The following UGT1A6 variants were observed in gnomAD, a reference collection of about 807,000 sequenced individuals.
UGT1A6 encodes UDP glucuronosyltransferase family 1 member A6.
Under a neutral mutation model 44.4 loss-of-function variants are expected in UGT1A6, and 32 were observed. That is an observed-to-expected ratio of 0.72 (90% confidence interval 0.54 to 0.97). The LOEUF is 0.97. UGT1A6 is among the 50% of genes least tolerant of loss of function. UGT1A6 has a pLI of 0.00. For missense variants in UGT1A6, 685 were observed against 661.9 expected (o/e 1.03, Z -0.38); for synonymous variants, 238 against 248.5 (o/e 0.96, Z 0.40).
intron 1 of UGT1A6, among the ~76,000 whole-genome samples, chr2:233,725,052 C>G (rs575446926): frequency 6.8e-6 from 1 of 147,562 alleles, no homozygotes; most frequent in Non-Finnish European, 1.5e-5. Flanking sequence ...TCAGGCGTGG[C>G]GGCGCGCGCC....
intron 1 of UGT1A6, among the ~76,000 whole-genome samples, chr2:233,705,184 T>C (rs932565364): frequency 1.3e-5 from 2 of 152,066 alleles, no homozygotes; most frequent in African/African-American, 4.8e-5. Context: ...GAAGTATGCA[T>C]TGGTACTGCC....
In UGT1A6 at chr2:233,767,937, G is replaced by T. The variant is rs587784535; in HGVS notation, c.1081+1G>T. Reference sequence around the variant, plus strand: ...TGGCTACCCCAAAACGATCTGCTTGGTATGTTGGGCGGATTGGATGTATAG... The same window carrying T: ...TGGCTACCCCAAAACGATCTGCTTGTTATGTTGGGCGGATTGGATGTATAG... On this transcript the variant is annotated splice_donor_variant, in intron 3 of 4. Coordinates refer to ENST00000305139, the MANE Select transcript of UGT1A6 (RefSeq NM_001072.4). LOFTEE classifies it high-confidence loss of function. 5 of 1,614,210 alleles carry T rather than the reference G, an allele frequency of 3.1e-6. No individual in the cohort carries two copies. The highest frequency in any genetic ancestry group is 4.2e-6 in the Non-Finnish European group (5 of 1,180,052).
At chr2:233,743,230 T>A (rs751434159) in intron 1 of UGT1A6, 5 of 416,618 alleles carry the variant, frequency 1.2e-5, no homozygotes, top group Non-Finnish European at 2.4e-5. Flanking sequence ...TGCTATTTAT[T>A]ATGAAGGACT....
chr2:233,694,000 G>A (rs763633601), intron 1 of UGT1A6, 135 bp downstream of exon 1: 38 of 1,484,348 alleles, frequency 2.6e-5, no homozygotes, highest in Middle Eastern at 2.5e-4. Context: ...TACCCGGCTC[G>A]GAGCAGCGGG....
chr2:233,747,064 G>A (rs904041772), intron 1 of UGT1A6: 9 of 934,146 alleles, frequency 9.6e-6, no homozygotes, highest in African/African-American at 1.7e-5. Flanking sequence ...TTGGTTAATC[G>A]GTAATAATTA....
intron 3 of UGT1A6, 29 bp downstream of exon 3, chr2:233,767,965 C>T: frequency 3.1e-6 from 5 of 1,614,098 alleles, no homozygotes; most frequent in Non-Finnish European, 4.2e-6. Context: ...ATGTATAGGT[C>T]AAACCAGGGT....
In UGT1A6 at chr2:233,693,367, G is replaced by A; in HGVS notation, c.363G>A (p.Leu121=). 6.2e-7 allele frequency: 1 copy of A among 1,614,154 alleles called. No homozygotes were observed. Among genetic ancestry groups the A allele is most frequent in the Non-Finnish European group, 8.5e-7 (1 of 1,180,042 alleles). Reference sequence around the variant, plus strand: ...GGAATAACATGATTGTTATTGGCCTGTACTTCATCAACTGCCAGAGCCTCC... The same window carrying A: ...GGAATAACATGATTGTTATTGGCCTATACTTCATCAACTGCCAGAGCCTCC... ...EYRNNMIVIG[L]YFINCQSLLQ... Residue 121 remains leucine (L), a synonymous_variant, in exon 1 of 5, where the codon CTG becomes CTA. Transcript: ENST00000305139.
In UGT1A6 at chr2:233,703,202, A is replaced by G. The variant is rs1415439812; in HGVS notation, c.861+9337A>G. ...TTTGTTTCTTTCTAGGAATTTGTCA[A>G]TTTTATCTAAGTTATCTAATTCCTT... is the stretch of plus-strand genomic sequence containing the variant. On this transcript the variant is annotated intron_variant, in intron 1 of 4. Coordinates refer to ENST00000305139, the MANE Select transcript of UGT1A6 (RefSeq NM_001072.4). Among the ~76,000 whole-genome samples, 6 of 152,168 alleles carry G rather than the reference A, an allele frequency of 3.9e-5. No individual in the cohort carries two copies. In the East Asian group the frequency reaches 5.8e-4, roughly 15 times the overall value.
chr2:233,739,208 T>A lies in UGT1A6; in HGVS notation c.862-27826T>A, dbSNP rs185605986. 2.6e-3 allele frequency among the ~76,000 whole-genome samples: 389 copies of A among 152,338 alleles called. 3 individuals are homozygous for A. Among genetic ancestry groups the A allele is most frequent in the Non-Finnish European group, 3.9e-3 (262 of 68,030 alleles). On this transcript the variant is annotated intron_variant, in intron 1 of 4. Coordinates refer to ENST00000305139, the MANE Select transcript of UGT1A6 (RefSeq NM_001072.4). ...GATGTCCAGGCAGACGTTTGCTGCA[T>A]GGATAGAGTCCTTATAGAGAACCTC...
chr2:233,713,230 A>G (rs747842946), intron 1 of UGT1A6: 14 of 1,614,276 alleles, frequency 8.7e-6, no homozygotes, highest in Admixed American at 1.7e-5. Flanking sequence ...CTGACAACGT[A>G]TGCCATTTCA....
At position 233,760,976 on chromosome 2, in the gene UGT1A6, A is replaced by G. The variant is rs754922685; in HGVS notation, c.862-6058A>G. 3 of 1,614,218 alleles carry G rather than the reference A, an allele frequency of 1.9e-6. No individual in the cohort carries two copies. The South Asian group carries it at 3.3e-5, about 18-fold the overall frequency. On this transcript the variant is annotated intron_variant, in intron 1 of 4. Transcript: ENST00000305139. The stretch of plus-strand genomic sequence containing the variant: ...CTGTGCGACGTGGTTTATTCCCCGT[A>G]TGCAACCCTTGCCTCAGAATTCCTT...
intron 1 of UGT1A6, among the ~76,000 whole-genome samples, chr2:233,757,432 C>T (rs1207849155): frequency 1.3e-5 from 2 of 151,156 alleles, no homozygotes; most frequent in Non-Finnish European, 2.9e-5. Context: ...GAAGAAAAGT[C>T]ACTTCTATAC....
chr2:233,705,496 C>A (rs190154138), intron 1 of UGT1A6, among the ~76,000 whole-genome samples: 369 of 152,190 alleles, frequency 2.4e-3, no homozygotes, highest in Non-Finnish European at 3.9e-3. Context: ...ATAATAAATA[C>A]CTTTTTAAGA....
rs1399932321 is a variant in UGT1A6, at chr2:233,747,632, C to A, written c.862-19402C>A. 22 of 1,580,286 alleles carry A rather than the reference C, an allele frequency of 1.4e-5. No homozygotes were observed. In the Admixed American group the frequency reaches 1.8e-4, roughly 13 times the overall value. On this transcript the variant is annotated intron_variant, in intron 1 of 4. Transcript: ENST00000305139. ...TGCATAATGAGGCCCTGATCAGGCA[C>A]CTGAATGCTACTTCCTTCGATGTGG...
chr2:233,731,567 G>C (rs187865178), intron 1 of UGT1A6, among the ~76,000 whole-genome samples: 1 of 152,286 alleles, frequency 6.6e-6, no homozygotes, highest in Non-Finnish European at 1.5e-5. Flanking sequence ...AGTTTGCTGA[G>C]AATGATGGTT....
intron 1 of UGT1A6, among the ~76,000 whole-genome samples, chr2:233,728,491 C>T (rs2077722476): frequency 6.6e-6 from 1 of 152,140 alleles, no homozygotes; most frequent in South Asian, 2.1e-4. Flanking sequence ...ACATCTTGAG[C>T]TCAGCCTCCC....
intron 1 of UGT1A6, chr2:233,747,274 A>G: frequency 6.3e-7 from 1 of 1,599,206 alleles, no homozygotes; most frequent in Admixed American, 1.7e-5. Flanking sequence ...ACTCCTTCTC[A>G]GTGCCCAGCC....
chr2:233,762,045 A>C (rs187851388), intron 1 of UGT1A6, among the ~76,000 whole-genome samples: 1 of 151,840 alleles, frequency 6.6e-6, no homozygotes, highest in African/African-American at 2.4e-5. Flanking sequence ...TTTTCTGTGC[A>C]TTTTCCTTCA....
Position 233,722,695 on chromosome 2 carries a change from T to C in UGT1A6, c.861+28830T>C, listed in dbSNP as rs1001983756. Among the ~76,000 whole-genome samples the C allele has an allele frequency of 3.3e-5, 5 of 152,186 alleles. No individual in the cohort carries two copies. In the East Asian group the frequency reaches 9.6e-4, roughly 29 times the overall value. On this transcript the variant is annotated intron_variant, in intron 1 of 4. Transcript: ENST00000305139. Reference sequence around the variant, plus strand: ...TAAAAATTGCTGTTCTTTTCATTGCTTTTAGATAATTTAAATATCAGTTTT... The same window carrying C: ...TAAAAATTGCTGTTCTTTTCATTGCCTTTAGATAATTTAAATATCAGTTTT...
Sources: allele counts gnomAD v4.1 joint callset (sites outside exome capture counted in the v4.1 genomes callset), GRCh38; gene constraint gnomAD v4.1.1; transcripts MANE v1.5; gene names NCBI Gene and HGNC (gene_info 2026-07-23, HGNC 2026-07-21).